The following FSTL5 variants were observed in gnomAD, a reference collection of about 807,000 sequenced individuals.
FSTL5 encodes the protein follistatin-related protein 5.
FSTL5 carries 62 observed loss-of-function variants against 89.1 expected under a neutral mutation model. The ratio of observed to expected loss-of-function variants is 0.70; its 90% confidence interval spans 0.57 to 0.86. The LOEUF is 0.86. FSTL5 is among the 40% of genes least tolerant of loss of function. The probability of loss-of-function intolerance (pLI) is 0.00; values close to 1 mark genes in which losing one functional copy is unlikely to be tolerated. For synonymous variants in FSTL5, 383 were observed against 346.2 expected, an observed-to-expected ratio of 1.11 and a Z score of -1.18; for missense variants, 1,057 against 1,001.6, an observed-to-expected ratio of 1.06 and a Z score of -0.75.
At chr4:161,526,477 GATAGA>G (rs1731223476) in intron 10 of FSTL5, among the ~76,000 whole-genome samples, 2 of 152,136 alleles carry the variant, frequency 1.3e-5, no homozygotes, top group African/African-American at 2.4e-5. Flanking sequence ...TACTGCGTGA[GATAGA>G]AAAGTATCTT....
chr4:161,596,196 C>A (rs6850827), intron 7 of FSTL5, among the ~76,000 whole-genome samples: 1 of 151,840 alleles, frequency 6.6e-6, no homozygotes, highest in Admixed American at 6.6e-5. Flanking sequence ...ATACTTAATA[C>A]AGAATCAGTA....
At chr4:161,850,165 G>C (rs1423204008) in intron 4 of FSTL5, among the ~76,000 whole-genome samples, 1 of 152,108 alleles carries the variant, frequency 6.6e-6, no homozygotes, top group African/African-American at 2.4e-5. Context: ...AGCAAACACA[G>C]AGTTAAAAAG....
intron 7 of FSTL5, among the ~76,000 whole-genome samples, chr4:161,625,356 C>A (rs369275200): frequency 1.6e-4 from 25 of 152,188 alleles, no homozygotes; most frequent in African/African-American, 6.0e-4. Flanking sequence ...TTTGATAAGT[C>A]TCACAATATC....
At chr4:161,462,904 C>T (rs991802693) in intron 13 of FSTL5, among the ~76,000 whole-genome samples, 3 of 151,888 alleles carry the variant, frequency 2.0e-5, no homozygotes, top group African/African-American at 7.3e-5. Context: ...CTTAAAATAA[C>T]TTGATGTGTG....
chr4:161,969,109 T>A (rs2111007788), intron 3 of FSTL5, among the ~76,000 whole-genome samples: 1 of 152,264 alleles, frequency 6.6e-6, no homozygotes, highest in Non-Finnish European at 1.5e-5. Context: ...GGGGCTTTAT[T>A]TTTTGGAATT....
intron 3 of FSTL5, among the ~76,000 whole-genome samples, chr4:161,943,387 A>G (rs2110929547): frequency 6.6e-6 from 1 of 151,780 alleles, no homozygotes; most frequent in East Asian, 1.9e-4. Flanking sequence ...TTAACATAAT[A>G]TGATTAATTA....
At chr4:162,128,034 G>A (rs913289870) in intron 1 of FSTL5, among the ~76,000 whole-genome samples, 19 of 152,070 alleles carry the variant, frequency 1.2e-4, no homozygotes, top group African/African-American at 4.6e-4. Flanking sequence ...TTAATTTGGT[G>A]GCAACATAAA....
chr4:161,812,517 A>AAC (rs3077014), intron 4 of FSTL5, among the ~76,000 whole-genome samples: 5,103 of 151,242 alleles, frequency 0.034, 96 homozygotes, highest in African/African-American at 0.052. Flanking sequence ...AGTTAAGAAA[A>AAC]ACACACACAC....
intron 1 of FSTL5, among the ~76,000 whole-genome samples, chr4:162,134,888 A>G (rs750181756): frequency 6.6e-6 from 1 of 152,202 alleles, no homozygotes; most frequent in Non-Finnish European, 1.5e-5. Flanking sequence ...TAGGGTTGTT[A>G]TTACCGTTTC....
intron 6 of FSTL5, among the ~76,000 whole-genome samples, chr4:161,721,628 T>C (rs12644286): frequency 0.19 from 28,369 of 152,128 alleles, 2,830 homozygotes; most frequent in Middle Eastern, 0.27. Context: ...CCACTTCCTA[T>C]GTCAACTTCT....
chr4:162,028,221 A>G (rs1737375630), intron 3 of FSTL5, among the ~76,000 whole-genome samples: 1 of 152,204 alleles, frequency 6.6e-6, no homozygotes, highest in Admixed American at 6.5e-5. Context: ...AATCTTACAA[A>G]CAATGATTAA....
At chr4:161,564,162 C>T (rs1369718178) in intron 8 of FSTL5, among the ~76,000 whole-genome samples, 2 of 151,436 alleles carry the variant, frequency 1.3e-5, no homozygotes, top group African/African-American at 4.8e-5. Context: ...ATTAATTCTA[C>T]AACAATACTT....
At chr4:161,779,778 T>A (rs1201509156) in intron 4 of FSTL5, among the ~76,000 whole-genome samples, 11,037 of 54,602 alleles carry the variant, frequency 0.2, 1,649 homozygotes, top group African/African-American at 0.48. Context: ...TATATATGTA[T>A]ATATATATAT....
chr4:161,818,197 A>C lies in FSTL5; in HGVS notation c.410-42123T>G, dbSNP rs1730386787. The stretch of plus-strand genomic sequence containing the variant: ...ACCCGCAGGCCACCCCACCAGTAGA[A>C]GCAGTAGATACGGAGTTTGGCTGGA... On this transcript the variant is annotated intron_variant, in intron 4 of 15. Coordinates refer to ENST00000306100, the MANE Select transcript of FSTL5 (RefSeq NM_020116.5). 2.0e-5 allele frequency among the ~76,000 whole-genome samples: 3 copies of C among 152,176 alleles called. 1 individual carries two copies. In the South Asian group the frequency reaches 6.2e-4, roughly 32 times the overall value.
chr4:161,709,816 A>G (rs1016181384), intron 6 of FSTL5, among the ~76,000 whole-genome samples: 4 of 152,152 alleles, frequency 2.6e-5, no homozygotes, highest in Non-Finnish European at 5.9e-5. Context: ...AATAAAAAAA[A>G]GGTTTAAAAA....
intron 7 of FSTL5, among the ~76,000 whole-genome samples, chr4:161,593,588 G>A (rs536683690): frequency 5.3e-5 from 8 of 152,052 alleles, no homozygotes; most frequent in South Asian, 4.2e-4. Flanking sequence ...GAGGGAGAAG[G>A]GGAGGAAAGG....
At chr4:161,917,264 G>C (rs896078720) in intron 4 of FSTL5, among the ~76,000 whole-genome samples, 1 of 152,080 alleles carries the variant, frequency 6.6e-6, no homozygotes, top group African/African-American at 2.4e-5. Context: ...CCTTTAATAA[G>C]TTTAAACATA....
chr4:162,055,394 C>T (rs772743479), intron 2 of FSTL5, among the ~76,000 whole-genome samples: 18 of 151,384 alleles, frequency 1.2e-4, no homozygotes, highest in Non-Finnish European at 8.9e-5. Flanking sequence ...TACAGGAATA[C>T]ATTTAGCAAA....
intron 2 of FSTL5, among the ~76,000 whole-genome samples, chr4:162,049,334 T>G (rs1395288600): frequency 6.6e-6 from 1 of 152,194 alleles, no homozygotes; most frequent in Admixed American, 6.5e-5. Context: ...GAAGGCCCAC[T>G]ATTAGCAAGA....
Sources: gnomAD v4.1 joint callset for allele counts (sites outside exome capture counted in the v4.1 genomes callset) on GRCh38, gnomAD v4.1.1 for gene constraint, MANE v1.5 for transcripts, NCBI Gene and HGNC (gene_info 2026-07-23, HGNC 2026-07-21) for gene names.